RBBP6: variants seen among roughly 807,000 people sequenced by gnomAD.
The protein encoded by RBBP6 is RB binding protein 6, ubiquitin ligase, also known as E3 ubiquitin-protein ligase RBBP6.
Under a neutral mutation model 167.7 loss-of-function variants are expected in RBBP6, and 25 were observed. The observed-to-expected ratio is 0.15, with a 90% CI of 0.11 to 0.21. RBBP6 has a LOEUF of 0.21. RBBP6 is among the 10% of genes least tolerant of loss of function. RBBP6 has a pLI of 1.00. For synonymous variants in RBBP6, 789 were observed against 735.8 expected, an observed-to-expected ratio of 1.07 and a Z score of -1.17; for missense variants, 1,868 against 2,134.2, an observed-to-expected ratio of 0.88 and a Z score of 2.46.
chr16:24,569,483 T>C lies in RBBP6; in HGVS notation c.2793T>C (p.Asn931=). 2 of 1,610,360 alleles carry C rather than the reference T, an allele frequency of 1.2e-6. No individual in the cohort carries two copies. Among genetic ancestry groups the C allele is most frequent in the Non-Finnish European group, 1.7e-6 (2 of 1,179,104 alleles). The change falls in exon 17 of 18, where the codon AAT becomes AAC. Residue 931 remains asparagine (N), a synonymous_variant. Coordinates refer to ENST00000319715, the MANE Select transcript of RBBP6 (RefSeq NM_006910.5). ...ACGCTCCAGGAGATGGTAAAGGAAA[T>C]AAGCATAAGAAACACAGAAAAAGAA... is the stretch of plus-strand genomic sequence containing the variant. ...SENAPGDGKG[N]KHKKHRKRRK...
In RBBP6 at chr16:24,548,947, G is replaced by A. The variant is rs1221573456; in HGVS notation, c.269G>A (p.Ser90Asn). Residue 90 changes from serine to asparagine, a missense_variant and splice_region_variant, in exon 3 of 18, where the codon AGT (serine) becomes AAT (asparagine). Around this residue, in one of 7 missense-constraint regions of RBBP6, gnomAD observed 184 missense variants for 327.7 expected, o/e 0.56. Coordinates refer to ENST00000319715, the MANE Select transcript of RBBP6 (RefSeq NM_006910.5). ...VKSTSKTYVISRTEPAMATTK... is the reference protein window; with the variant it reads ...VKSTSKTYVINRTEPAMATTK... ...TTTGTTTTTATTTTGTGTTTTAGAA[G>A]TCGAACTGAACCAGCGATGGCAACT... 1.2e-6 allele frequency: 2 copies of A among 1,607,248 alleles called. No homozygotes were observed. The highest frequency in any genetic ancestry group is 2.7e-5 in the African/African-American group (2 of 74,804).
intron 2 of RBBP6, among the ~76,000 whole-genome samples, chr16:24,547,128 T>TAATG (rs1353518403): frequency 3.3e-4 from 50 of 152,324 alleles, no homozygotes; most frequent in African/African-American, 1.1e-3. Context: ...TTGGAACAAA[T>TAATG]TATTTTGAGT....
rs753509899 is a variant in RBBP6, at chr16:24,567,142, G to T, written c.1590-1G>T. On this transcript the variant is annotated splice_acceptor_variant, in intron 14 of 17. Coordinates refer to ENST00000319715, the MANE Select transcript of RBBP6 (RefSeq NM_006910.5). LOFTEE classifies it high-confidence loss of function. ...TAATATCTTGGAATTTATTTTTCCA[G>T]AAGTATAAACCGTGGGCGACACCAC... is the stretch of plus-strand genomic sequence containing the variant. The T allele has an allele frequency of 6.2e-7, 1 of 1,607,310 alleles. No individual in the cohort carries two copies. Among genetic ancestry groups the T allele is most frequent in the South Asian group, 1.1e-5 (1 of 90,950 alleles).
Position 24,567,404 on chromosome 16 carries a change from A to G in RBBP6, c.1851A>G (p.Ser617=). ...CCAATTTATCAACACCTTGGGTATC[A>G]TCAGGAGTGCAGACAGCTCATTCAA... ...APANLSTPWV[S]SGVQTAHSNT... The change falls in exon 15 of 18, where the codon TCA becomes TCG. Residue 617 remains serine (S), a synonymous_variant. Transcript: ENST00000319715. The G allele has an allele frequency of 6.2e-7, 1 of 1,614,208 alleles. No individual in the cohort carries two copies. Among genetic ancestry groups the G allele is most frequent in the Non-Finnish European group, 8.5e-7 (1 of 1,180,030 alleles).
In RBBP6 at chr16:24,567,200, A is replaced by G; in HGVS notation, c.1647A>G (p.Ser549=). The G allele has an allele frequency of 6.2e-7, 1 of 1,613,906 alleles. No homozygotes were observed. Among genetic ancestry groups the G allele is most frequent in the South Asian group, 1.1e-5 (1 of 91,078 alleles). Residue 549 remains serine (S), a synonymous_variant, in exon 15 of 18, where the codon TCA becomes TCG. Transcript: ENST00000319715. ...GATCACAGAGGACTCAAGGCCCGTC[A>G]CTACCAGCAACTCCAGTCTTTGTAC... ...SERSQRTQGP[S]LPATPVFVPV... is the part of the protein sequence containing the mutation.
rs372653498 is a variant in RBBP6, at chr16:24,569,451, A to C, written c.2761A>C (p.Ser921Arg). 1 of 1,613,110 alleles carries C rather than the reference A, an allele frequency of 6.2e-7. No homozygotes were observed. Among genetic ancestry groups the C allele is most frequent in the Non-Finnish European group, 8.5e-7 (1 of 1,179,800 alleles). ...TAATACAAAGTCAAAAGAGAAGGAGAGTGAAAACGCTCCAGGAGATGGTAA... is the reference window on the plus strand; with the variant it reads ...TAATACAAAGTCAAAAGAGAAGGAGCGTGAAAACGCTCCAGGAGATGGTAA... ...KDNTKSKEKE[S>R]ENAPGDGKGN... Residue 921 changes from serine to arginine, a missense_variant, in exon 17 of 18, where the codon AGT becomes CGT. By Grantham distance (110) the Ser-to-Arg change is moderately radical. This residue lies in a region of RBBP6 where 673 missense variants were observed against 691.5 expected (regional missense o/e 0.97). Coordinates refer to ENST00000319715, the MANE Select transcript of RBBP6 (RefSeq NM_006910.5).
At chr16:24,565,001 G>A in intron 14 of RBBP6, 136 bp downstream of exon 14, 1 of 1,347,186 alleles carries the variant, frequency 7.4e-7, no homozygotes, top group Non-Finnish European at 9.6e-7. Flanking sequence ...CTTAAGTCCT[G>A]GGTAGTTGTC....
intron 1 of RBBP6, among the ~76,000 whole-genome samples, chr16:24,544,184 A>G (rs1898576238): frequency 6.6e-6 from 1 of 152,206 alleles, no homozygotes; most frequent in African/African-American, 2.4e-5. Flanking sequence ...TTACATATTC[A>G]GAAACTTCCT....
chr16:24,545,378 CTT>C (rs371790538), intron 1 of RBBP6, among the ~76,000 whole-genome samples: 91 of 152,256 alleles, frequency 6.0e-4, no homozygotes, highest in African/African-American at 1.9e-3. Flanking sequence ...GGCCAGTAGT[CTT>C]TTTTTCTTTA....
intron 3 of RBBP6, among the ~76,000 whole-genome samples, chr16:24,550,478 T>C (rs1898772151): frequency 6.6e-6 from 1 of 151,662 alleles, no homozygotes. Context: ...ATAAATTAGA[T>C]TGACTATCCT....
At chr16:24,570,601 T>A in intron 17 of RBBP6, 102 bp downstream of exon 17, 1 of 1,075,158 alleles carries the variant, frequency 9.3e-7, no homozygotes, top group Non-Finnish European at 1.3e-6. Context: ...AATGCTGATC[T>A]AGGGAAGTAG....
In RBBP6 at chr16:24,556,313, A is replaced by G; in HGVS notation, c.540A>G (p.Lys180=). 2 of 1,586,114 alleles carry G rather than the reference A, an allele frequency of 1.3e-6. No individual in the cohort carries two copies. Among genetic ancestry groups the G allele is most frequent in the Non-Finnish European group, 1.7e-6 (2 of 1,155,826 alleles). ...TTCCTTTTTCCTCTGAATAGGATAA[A>G]AACTTTGAATCTGGTCCTAGGATTA... ...YIKNCPTNGD[K]NFESGPRIKK... Residue 180 remains lysine (K), a synonymous_variant, in exon 7 of 18, where the codon AAA becomes AAG. Coordinates refer to ENST00000319715, the MANE Select transcript of RBBP6 (RefSeq NM_006910.5).
chr16:24,560,940 C>A (rs567438828), intron 8 of RBBP6, among the ~76,000 whole-genome samples: 7 of 152,246 alleles, frequency 4.6e-5, no homozygotes, highest in African/African-American at 1.7e-4. Flanking sequence ...TCAGTGAAGA[C>A]CAAGGTCAAG....
In RBBP6 at chr16:24,550,726, C is replaced by CTCTTT. The variant is rs541433335; in HGVS notation, c.303+1757_303+1761dup. Reference sequence around the variant, plus strand: ...AGTTTATTTAAGCTTATTTAGGTTTCTCTTTTCTTTTCTTTTTTTTTTAAT... The same window carrying CTCTTT: ...AGTTTATTTAAGCTTATTTAGGTTTCTCTTTTCTTTTCTTTTCTTTTTTTTTTAAT... On this transcript the variant is annotated intron_variant, in intron 3 of 17. Transcript: ENST00000319715. Among the ~76,000 whole-genome samples, 460 of 150,826 alleles carry CTCTTT rather than the reference C, an allele frequency of 3.0e-3. 3 individuals are homozygous for CTCTTT. The highest frequency in any genetic ancestry group is 0.011 in the African/African-American group (445 of 41,214).
chr16:24,549,075 AC>A (rs1365629758), intron 3 of RBBP6, 94 bp downstream of exon 3: 2 of 1,555,002 alleles, frequency 1.3e-6, no homozygotes, highest in Admixed American at 3.9e-5. Context: ...TTAATATCCA[AC>A]TGATCATAGT....
intron 3 of RBBP6, among the ~76,000 whole-genome samples, chr16:24,551,950 T>TA (rs1307883649): frequency 7.2e-5 from 11 of 151,862 alleles, no homozygotes; most frequent in Admixed American, 6.6e-4. Flanking sequence ...TAAAAAGAGA[T>TA]ATGTATTATT....
chr16:24,540,602 T>G lies in RBBP6; in HGVS notation c.-25T>G. On this transcript the variant is annotated 5_prime_UTR_variant, in exon 1 of 18. Coordinates refer to ENST00000319715, the MANE Select transcript of RBBP6 (RefSeq NM_006910.5). Reference sequence around the variant, plus strand: ...ATTGAGAGTGTCCACGTCTCCTCGCTGAACCTTAGGAATCCCTTGGCACCA... The same window carrying G: ...ATTGAGAGTGTCCACGTCTCCTCGCGGAACCTTAGGAATCCCTTGGCACCA... 3 of 1,599,928 alleles carry G rather than the reference T, an allele frequency of 1.9e-6. No individual in the cohort carries two copies. The highest frequency in any genetic ancestry group is 1.3e-5 in the African/African-American group (1 of 74,320).
intron 14 of RBBP6, among the ~76,000 whole-genome samples, chr16:24,565,137 C>G (rs1899162171): frequency 6.6e-6 from 1 of 152,140 alleles, no homozygotes; most frequent in Non-Finnish European, 1.5e-5. Flanking sequence ...TATTGGCTTG[C>G]ATTTACCCTC....
chr16:24,563,390 ACT>A, intron 11 of RBBP6, 31 bp from the exon 12 acceptor site: 1 of 1,465,466 alleles, frequency 6.8e-7, no homozygotes, highest in Non-Finnish European at 9.1e-7. Flanking sequence ...TTTTTTTTTA[ACT>A]ATTTCTGTTT....
Sources: gnomAD v4.1 joint callset for allele counts (sites outside exome capture counted in the v4.1 genomes callset) on GRCh38, gnomAD v4.1.1 for gene constraint, gnomAD v4.1.1 regional missense constraint, MANE v1.5 for transcripts, NCBI Gene and HGNC (gene_info 2026-07-23, HGNC 2026-07-21) for gene names.